CNTN4: variants seen among roughly 807,000 people sequenced by gnomAD.
The protein encoded by CNTN4 is contactin-4.
Under a neutral mutation model 122.5 loss-of-function variants are expected in CNTN4, and 77 were observed. That is an observed-to-expected ratio of 0.63 (90% CI 0.52 to 0.76). The LOEUF (loss-of-function observed/expected upper bound fraction) is 0.76, where lower values mean the gene tolerates loss of function less well. CNTN4 is among the 30% of genes least tolerant of loss of function. The pLI is 0.00. For missense variants in CNTN4, 1,256 were observed against 1,259.1 expected (o/e 1.00, Z 0.04); for synonymous variants, 512 against 447.0 (o/e 1.15, Z -1.83).
chr3:2,147,447 AG>A (rs1463362143), intron 2 of CNTN4, among the ~76,000 whole-genome samples: 1 of 152,204 alleles, frequency 6.6e-6, no homozygotes, highest in Non-Finnish European at 1.5e-5. Flanking sequence ...ACCAGAAGCT[AG>A]GGGCTCGTTA....
intron 2 of CNTN4, among the ~76,000 whole-genome samples, chr3:2,247,686 A>G (rs1030158670): frequency 6.6e-6 from 1 of 152,012 alleles, no homozygotes; most frequent in African/African-American, 2.4e-5. Flanking sequence ...TGACTTATAC[A>G]TATTATTTGA....
intron 2 of CNTN4, among the ~76,000 whole-genome samples, chr3:2,235,371 C>T (rs1299183626): frequency 2.0e-5 from 3 of 152,106 alleles, no homozygotes; most frequent in Non-Finnish European, 4.4e-5. Flanking sequence ...AAATATCTAT[C>T]CAGGAAAGGA....
At chr3:2,245,946 A>G (rs578203140) in intron 2 of CNTN4, among the ~76,000 whole-genome samples, 1 of 152,020 alleles carries the variant, frequency 6.6e-6, no homozygotes, top group Non-Finnish European at 1.5e-5. Context: ...TTTACCAGCA[A>G]CAGGCACACA....
chr3:2,679,019 T>G (rs911150274), intron 4 of CNTN4, among the ~76,000 whole-genome samples: 1 of 152,228 alleles, frequency 6.6e-6, no homozygotes, highest in African/African-American at 2.4e-5. Context: ...ATATCTGTTT[T>G]GAATTTCAGT....
At position 2,811,984 on chromosome 3, in the gene CNTN4, C is replaced by T. The variant is rs190900780; in HGVS notation, c.359-7502C>T. Among the ~76,000 whole-genome samples the T allele has an allele frequency of 4.2e-3, 642 of 152,164 alleles. 2 individuals carry two copies. Among genetic ancestry groups the T allele is most frequent in the African/African-American group, 0.014 (590 of 41,536 alleles). ...CCCAGCCAAAAATCACATATATTTACATCCTTTAAAAAAGGTAAGGCCGTT... is the reference window on the plus strand; with the variant it reads ...CCCAGCCAAAAATCACATATATTTATATCCTTTAAAAAAGGTAAGGCCGTT... On this transcript the variant is annotated intron_variant, in intron 6 of 24. Coordinates refer to ENST00000418658, the MANE Select transcript of CNTN4 (RefSeq NM_175607.3).
At chr3:2,674,181 A>G (rs756111253) in intron 4 of CNTN4, among the ~76,000 whole-genome samples, 31 of 152,234 alleles carry the variant, frequency 2.0e-4, no homozygotes, top group Non-Finnish European at 8.8e-5. Context: ...ACCGCATACA[A>G]TCCATATGCC....
intron 3 of CNTN4, among the ~76,000 whole-genome samples, chr3:2,415,649 G>T (rs1248062479): frequency 2.0e-5 from 3 of 152,076 alleles, no homozygotes; most frequent in African/African-American, 7.2e-5. Flanking sequence ...GCTTTGGTCT[G>T]CTAATTTCCT....
At chr3:2,984,708 G>T (rs1441396958) in intron 13 of CNTN4, among the ~76,000 whole-genome samples, 1 of 152,150 alleles carries the variant, frequency 6.6e-6, no homozygotes, top group Non-Finnish European at 1.5e-5. Flanking sequence ...TGGAATGATC[G>T]TGATACTGTT....
chr3:2,922,208 AT>A (rs928291669), intron 12 of CNTN4, among the ~76,000 whole-genome samples: 2 of 152,200 alleles, frequency 1.3e-5, no homozygotes, highest in African/African-American at 4.8e-5. Flanking sequence ...ATGTGCACTA[AT>A]TTTTTAAGTG....
chr3:2,265,218 C>T (rs1183613849), intron 2 of CNTN4, among the ~76,000 whole-genome samples: 1 of 151,940 alleles, frequency 6.6e-6, no homozygotes, highest in Non-Finnish European at 1.5e-5. Flanking sequence ...TAAGTAGTAT[C>T]CCATGGTGTA....
Position 3,040,241 on chromosome 3 carries a change from C to T in CNTN4, c.2368C>T (p.Pro790Ser), listed in dbSNP as rs1441685609. 10 of 1,613,912 alleles carry T rather than the reference C, an allele frequency of 6.2e-6. No homozygotes were observed. Among genetic ancestry groups the T allele is most frequent in the Non-Finnish European group, 6.8e-6 (8 of 1,179,764 alleles). ...CAACAAAGGAGAAGGCCCTTTCAGT[C>T]CCACCACGGTGGTGTATTCTGCAGA... Reference protein sequence around the residue: ...FNNKGEGPFSPTTVVYSAEEE... With the variant: ...FNNKGEGPFSSTTVVYSAEEE... Residue 790 changes from proline to serine, a missense_variant, in exon 20 of 25, where the codon CCC (proline) becomes TCC (serine). Transcript: ENST00000418658.
At chr3:2,664,082 T>C (rs2084032804) in intron 4 of CNTN4, among the ~76,000 whole-genome samples, 1 of 152,192 alleles carries the variant, frequency 6.6e-6, no homozygotes. Context: ...ATTGTAAATT[T>C]GATTGTGATG....
intron 3 of CNTN4, among the ~76,000 whole-genome samples, chr3:2,535,990 C>T (rs556247745): frequency 6.6e-6 from 1 of 152,200 alleles, no homozygotes; most frequent in African/African-American, 2.4e-5. Flanking sequence ...CACCGTTTTG[C>T]TATTAGTGCC....
At chr3:2,858,896 C>T (rs888672993) in intron 7 of CNTN4, among the ~76,000 whole-genome samples, 2 of 152,110 alleles carry the variant, frequency 1.3e-5, no homozygotes, top group Non-Finnish European at 2.9e-5. Flanking sequence ...ACCTCACATA[C>T]CATTTTTTCT....
chr3:2,660,308 G>T (rs552791809), intron 4 of CNTN4, among the ~76,000 whole-genome samples: 1 of 152,118 alleles, frequency 6.6e-6, no homozygotes, highest in East Asian at 1.9e-4. Flanking sequence ...TAAGAAAGAC[G>T]TCCTAATATT....
chr3:2,711,869 A>T (rs2087171286), intron 4 of CNTN4, among the ~76,000 whole-genome samples: 1 of 152,234 alleles, frequency 6.6e-6, no homozygotes, highest in Non-Finnish European at 1.5e-5. Context: ...ATCATTAGTT[A>T]GGGACAGAGC....
intron 7 of CNTN4, among the ~76,000 whole-genome samples, chr3:2,863,339 C>T (rs1255139897): frequency 1.3e-5 from 2 of 152,052 alleles, no homozygotes; most frequent in African/African-American, 4.8e-5. Flanking sequence ...CTGACCTTCC[C>T]ACTTCAGGAC....
chr3:2,199,918 A>G (rs978681462), intron 2 of CNTN4, among the ~76,000 whole-genome samples: 5 of 152,188 alleles, frequency 3.3e-5, no homozygotes, highest in Admixed American at 6.5e-5. Context: ...TGAACTTGTC[A>G]TATTCTAAGC....
At chr3:2,758,556 C>T (rs1296379954) in intron 6 of CNTN4, among the ~76,000 whole-genome samples, 4 of 141,884 alleles carry the variant, frequency 2.8e-5, no homozygotes, top group Admixed American at 7.5e-5. Context: ...CTCCCTCTGT[C>T]TGCTGGCGTG....
Sources: gnomAD v4.1 joint callset for allele counts (sites outside exome capture counted in the v4.1 genomes callset) on GRCh38, gnomAD v4.1.1 for gene constraint, MANE v1.5 for transcripts, NCBI Gene and HGNC (gene_info 2026-07-23, HGNC 2026-07-21) for gene names.